Variants in TTLL5 observed in about 807,000 individuals in gnomAD.
TTLL5 encodes tubulin polyglutamylase TTLL5.
A neutral mutation model predicts 168.4 loss-of-function variants in TTLL5; 132 were observed. That is an observed-to-expected ratio of 0.78 (90% CI 0.68 to 0.91). TTLL5 has a LOEUF of 0.91. Ranked by LOEUF, TTLL5 falls within the 40% of genes least tolerant of loss-of-function variation. TTLL5 has a pLI of 0.00. For missense variants in TTLL5, 1,545 were observed against 1,581.5 expected (o/e 0.98, Z 0.39); for synonymous variants, 546 against 558.6 (o/e 0.98, Z 0.32).
chr14:75,740,963 C>T (rs749918957), intron 15 of TTLL5, among the ~76,000 whole-genome samples: 1 of 152,116 alleles, frequency 6.6e-6, no homozygotes, highest in Admixed American at 6.5e-5. Context: ...CTTAGGATAT[C>T]TTGCCATTTT....
chr14:75,765,390 G>C (rs1166316539), intron 19 of TTLL5, among the ~76,000 whole-genome samples: 1 of 152,144 alleles, frequency 6.6e-6, no homozygotes, highest in Non-Finnish European at 1.5e-5. Context: ...ATATTCCCCT[G>C]TTCTTTATAC....
chr14:75,694,576 C>G (rs1040665554), intron 6 of TTLL5, among the ~76,000 whole-genome samples: 1 of 152,086 alleles, frequency 6.6e-6, no homozygotes, highest in Non-Finnish European at 1.5e-5. Flanking sequence ...TCAGGTGATC[C>G]GCCCACCTCG....
intron 1 of TTLL5, 70 bp from the exon 2 acceptor site, chr14:75,662,985 C>T: frequency 2.8e-6 from 2 of 707,852 alleles, no homozygotes; most frequent in South Asian, 1.5e-5. Context: ...AGATTATCAG[C>T]AATAACCAAT....
chr14:75,868,395 A>G (rs2030714116), intron 29 of TTLL5, among the ~76,000 whole-genome samples: 1 of 152,204 alleles, frequency 6.6e-6, no homozygotes, highest in South Asian at 2.1e-4. Flanking sequence ...TTTCAACATT[A>G]GTAAATAACT....
intron 18 of TTLL5, among the ~76,000 whole-genome samples, chr14:75,763,698 T>C (rs148060717): frequency 1.3e-5 from 2 of 152,226 alleles, no homozygotes; most frequent in Non-Finnish European, 2.9e-5. Flanking sequence ...CTTTGGTGAC[T>C]TGGTTATGGC....
chr14:75,826,213 A>G (rs1238431443), intron 28 of TTLL5, among the ~76,000 whole-genome samples: 2 of 151,958 alleles, frequency 1.3e-5, no homozygotes, highest in South Asian at 4.2e-4. Context: ...CAGTTTTTCT[A>G]GTTAAGTTTG....
At chr14:75,909,063 C>T (rs1458157266) in intron 31 of TTLL5, among the ~76,000 whole-genome samples, 1 of 152,010 alleles carries the variant, frequency 6.6e-6, no homozygotes, top group African/African-American at 2.4e-5. Flanking sequence ...CAGGCGTGAA[C>T]CACCACACCT....
intron 27 of TTLL5, among the ~76,000 whole-genome samples, chr14:75,807,159 G>A: frequency 6.6e-6 from 1 of 151,982 alleles, no homozygotes; most frequent in East Asian, 1.9e-4. Flanking sequence ...CTTTAAAAAC[G>A]ATTGATGGCT....
intron 18 of TTLL5, among the ~76,000 whole-genome samples, chr14:75,760,681 A>G (rs566053548): frequency 3.3e-5 from 5 of 152,208 alleles, no homozygotes; most frequent in African/African-American, 1.2e-4. Flanking sequence ...TGGTGAAAGG[A>G]AATTATTTTT....
At chr14:75,793,657 G>A (rs577667842) in intron 27 of TTLL5, among the ~76,000 whole-genome samples, 9 of 152,296 alleles carry the variant, frequency 5.9e-5, no homozygotes, top group South Asian at 2.1e-4. Flanking sequence ...AACAAGCTGG[G>A]TGGATAGAAA....
chr14:75,703,518 A>C (rs1886429797), intron 7 of TTLL5, among the ~76,000 whole-genome samples: 1 of 152,230 alleles, frequency 6.6e-6, no homozygotes. Context: ...CTCCTTCAGT[A>C]ACCATGACTA....
At chr14:75,902,494 G>C in intron 31 of TTLL5, 1 of 621,786 alleles carries the variant, frequency 1.6e-6, no homozygotes, top group East Asian at 3.4e-5. Flanking sequence ...TAATACAGAT[G>C]TCCCATATTG....
chr14:75,707,046 T>C lies in TTLL5; in HGVS notation c.614T>C (p.Ile205Thr). The change falls in exon 8 of 32, where the codon ATT (isoleucine) becomes ACT (threonine). Residue 205 changes from isoleucine to threonine, a missense_variant. By Grantham distance (89) the Ile-to-Thr change is moderately conservative. Transcript: ENST00000298832. The part of the protein sequence containing the change: ...NPNQISLEEN[I>T]LVSRYINNPL... ...AACCAGATCTCCCTGGAAGAGAACA[T>C]TTTGGTCTCCCGTTACATTAACAAC... 6.2e-7 allele frequency: 1 copy of C among 1,612,622 alleles called. No homozygotes were observed. The highest frequency in any genetic ancestry group is 2.2e-5 in the East Asian group (1 of 44,790).
intron 5 of TTLL5, among the ~76,000 whole-genome samples, chr14:75,687,428 G>A (rs555730404): frequency 4.6e-5 from 7 of 151,996 alleles, no homozygotes; most frequent in African/African-American, 1.7e-4. Flanking sequence ...CATGCACTAC[G>A]GCTGGCTGAT....
At chr14:75,813,245 T>A (rs1282202691) in intron 27 of TTLL5, among the ~76,000 whole-genome samples, 3 of 148,474 alleles carry the variant, frequency 2.0e-5, no homozygotes, top group Non-Finnish European at 4.5e-5. Flanking sequence ...GGTCTTGCTC[T>A]ATTATCCAGG....
chr14:75,665,536 A>G (rs1014678449), intron 2 of TTLL5, among the ~76,000 whole-genome samples: 3 of 152,224 alleles, frequency 2.0e-5, no homozygotes, highest in African/African-American at 4.8e-5. Context: ...GTCTTAAACT[A>G]CTATAACTTA....
intron 28 of TTLL5, among the ~76,000 whole-genome samples, chr14:75,846,901 A>T (rs1409435142): frequency 6.6e-6 from 1 of 151,964 alleles, no homozygotes; most frequent in Admixed American, 6.5e-5. Flanking sequence ...TAAGGCAGAC[A>T]TAGAGATGAA....
intron 3 of TTLL5, among the ~76,000 whole-genome samples, chr14:75,677,748 G>A (rs1007278214): frequency 6.6e-6 from 1 of 151,086 alleles, no homozygotes; most frequent in African/African-American, 2.4e-5. Flanking sequence ...CTCCTGAGTA[G>A]CTAAGACTAC....
intron 3 of TTLL5, among the ~76,000 whole-genome samples, chr14:75,680,278 T>C (rs1218356324): frequency 6.6e-6 from 1 of 152,130 alleles, no homozygotes; most frequent in Non-Finnish European, 1.5e-5. Context: ...GGAAATGTGA[T>C]TGAGTGAGGC....
Sources: gnomAD v4.1 joint callset for allele counts (sites outside exome capture counted in the v4.1 genomes callset) on GRCh38, gnomAD v4.1.1 for gene constraint, MANE v1.5 for transcripts, NCBI Gene and HGNC (gene_info 2026-07-23, HGNC 2026-07-21) for gene names.